Variants in ABCA3 observed in about 807,000 individuals in gnomAD.
ABCA3 encodes ATP binding cassette subfamily A member 3.
A neutral mutation model predicts 172.8 loss-of-function variants in ABCA3; 88 were observed. The ratio of observed to expected loss-of-function variants is 0.51; its 90% confidence interval spans 0.43 to 0.61. The LOEUF (loss-of-function observed/expected upper bound fraction) is 0.61, where lower values mean the gene tolerates loss of function less well. Ranked by LOEUF, ABCA3 falls within the 20% of genes least tolerant of loss-of-function variation. The pLI, the probability that ABCA3 is intolerant of heterozygous loss-of-function variation, is 0.00. For missense variants in ABCA3, 2,164 were observed against 2,301.0 expected (o/e 0.94, Z 1.22); for synonymous variants, 1,066 against 983.8 (o/e 1.08, Z -1.56).
Position 2,284,641 on chromosome 16 carries a change from G to A in ABCA3, c.3703+138C>T. The A allele has an allele frequency of 8.1e-7, 1 of 1,229,348 alleles. No homozygotes were observed. The highest frequency in any genetic ancestry group is 1.1e-6 in the Non-Finnish European group (1 of 870,746). The allele number at this position is 1,229,348 out of a possible 1,614,324, so 76.2% of individuals were successfully genotyped here. On this transcript the variant is annotated intron_variant, in intron 24 of 32. Coordinates refer to ENST00000301732, the MANE Select transcript of ABCA3 (RefSeq NM_001089.3). The surrounding 1 kb of genome is among the most constrained non-coding windows in gnomAD (Gnocchi z 5.9). ...AGTCATGGCTAGCCGGGCAGGGCCA[G>A]CTGGGGCAGAGGGGCTGGTGAGCAT... is the stretch of plus-strand genomic sequence containing the variant.
At chr16:2,311,530 T>G (rs1452089509) in intron 10 of ABCA3, among the ~76,000 whole-genome samples, 2 of 152,092 alleles carry the variant, frequency 1.3e-5, no homozygotes, top group Non-Finnish European at 2.9e-5. Context: ...GGATTTTTTT[T>G]TTAATTTTTG....
Position 2,278,178 on chromosome 16 carries a change from G to A in ABCA3, c.4719-109C>T. On this transcript the variant is annotated intron_variant, in intron 30 of 32. Coordinates refer to ENST00000301732, the MANE Select transcript of ABCA3 (RefSeq NM_001089.3). This position sits in a 1 kb window ranked among gnomAD's most constrained non-coding sequence, Gnocchi z 4.4. Reference sequence around the variant, plus strand: ...TGTTCCTGATACCCATGCTCAGTGTGGCTCACGGGCAGACTCTGCACCAGA... The same window carrying A: ...TGTTCCTGATACCCATGCTCAGTGTAGCTCACGGGCAGACTCTGCACCAGA... 1.3e-6 allele frequency: 2 copies of A among 1,595,732 alleles called. No individual in the cohort carries two copies. Among genetic ancestry groups the A allele is most frequent in the Non-Finnish European group, 1.7e-6 (2 of 1,173,240 alleles).
intron 3 of ABCA3, 53 bp from the exon 4 acceptor site, chr16:2,326,545 G>C: frequency 1.3e-6 from 2 of 1,541,692 alleles, no homozygotes; most frequent in East Asian, 2.4e-5. Context: ...AACACGCAGA[G>C]TGGGGATTTG....
At chr16:2,289,378 C>G in intron 20 of ABCA3, 56 bp downstream of exon 20, 1 of 1,536,552 alleles carries the variant, frequency 6.5e-7, no homozygotes, top group South Asian at 1.2e-5. Flanking sequence ...TTACATGAGG[C>G]GTTTGGGGGC....
chr16:2,287,968 A>T lies in ABCA3; in HGVS notation c.3004+58T>A. On this transcript the variant is annotated intron_variant, in intron 21 of 32. Transcript: ENST00000301732. This position sits in a 1 kb window ranked among gnomAD's most constrained non-coding sequence, Gnocchi z 4.1. The stretch of plus-strand genomic sequence containing the variant: ...GACCCTGCTGCAGTCAGGAAGGCGA[A>T]CTCTGGCTGCAGGACTGGCCCCCGA... 6.3e-7 allele frequency: 1 copy of T among 1,587,026 alleles called. No individual in the cohort carries two copies. Among genetic ancestry groups the T allele is most frequent in the Non-Finnish European group, 8.5e-7 (1 of 1,171,890 alleles).
At chr16:2,310,942 A>T (rs1337647141) in intron 10 of ABCA3, among the ~76,000 whole-genome samples, 1 of 151,798 alleles carries the variant, frequency 6.6e-6, no homozygotes, top group African/African-American at 2.4e-5. Context: ...CGGTCCTCAT[A>T]TCTGCCTATT....
intron 18 of ABCA3, among the ~76,000 whole-genome samples, chr16:2,293,793 G>A (rs1269157734): frequency 3.3e-5 from 5 of 151,732 alleles, no homozygotes; most frequent in African/African-American, 7.3e-5. Flanking sequence ...CACCCGCTTC[G>A]GCCTCCAAGT....
Position 2,286,953 on chromosome 16 carries a change from A to G in ABCA3, c.3019T>C (p.Phe1007Leu), listed in dbSNP as rs746195798. ...PREVLGDLEEFLIFRASVEGG... is the reference protein window; with the variant it reads ...PREVLGDLEELLIFRASVEGG... ...TCCACAGAAGCCCTGAAGATCAAGA[A>G]CTCCTCCAGGTCACCTGGGGAGCAA... Residue 1007 changes from phenylalanine (F) to leucine (L), a missense_variant, in exon 22 of 33, where the codon TTC (phenylalanine) becomes CTC (leucine). By Grantham distance (22) the Phe-to-Leu change is conservative. Transcript: ENST00000301732. This position sits in a 1 kb window ranked among gnomAD's most constrained non-coding sequence, Gnocchi z 5.2. 6.8e-6 allele frequency: 11 copies of G among 1,613,232 alleles called. No individual in the cohort carries two copies. Among genetic ancestry groups the G allele is most frequent in the Non-Finnish European group, 9.3e-6 (11 of 1,179,840 alleles).
chr16:2,284,871 A>G lies in ABCA3; in HGVS notation c.3611T>C (p.Leu1204Ser), dbSNP rs1366144670. ...PLMYLMNFFF[L>S]GAATAYTRLT... Reference sequence around the variant, plus strand: ...CCTCGTGTAGGCAGTGGCCGCCCCCAAGAAGAAGAAGTTCATCAGGTACAT... The same window carrying G: ...CCTCGTGTAGGCAGTGGCCGCCCCCGAGAAGAAGAAGTTCATCAGGTACAT... The change falls in exon 24 of 33, where the codon TTG becomes TCG. Residue 1204 changes from leucine to serine, a missense_variant. By Grantham distance (145) the Leu-to-Ser change is moderately radical. This residue lies in a region of ABCA3 where 795 missense variants were observed against 881.9 expected (regional missense o/e 0.90). Transcript: ENST00000301732. The surrounding 1 kb of genome is among the most constrained non-coding windows in gnomAD (Gnocchi z 5.9). 12 of 1,613,652 alleles carry G rather than the reference A, an allele frequency of 7.4e-6. No individual in the cohort carries two copies. Among genetic ancestry groups the G allele is most frequent in the Non-Finnish European group, 1.0e-5 (12 of 1,179,772 alleles).
intron 12 of ABCA3, among the ~76,000 whole-genome samples, chr16:2,302,302 G>A (rs1228353366): frequency 6.6e-6 from 1 of 152,102 alleles, no homozygotes; most frequent in Non-Finnish European, 1.5e-5. Context: ...GGTCTCGGCA[G>A]TGATTCTTAA....
chr16:2,321,880 C>T (rs1168988582), intron 7 of ABCA3, among the ~76,000 whole-genome samples: 1 of 152,084 alleles, frequency 6.6e-6, no homozygotes, highest in East Asian at 1.9e-4. Flanking sequence ...AAACCAAGCC[C>T]CATGAACTCA....
In ABCA3 at chr16:2,289,961, TCACACACA is replaced by T. The variant is rs3138606; in HGVS notation, c.2514-349_2514-342del. Among the ~76,000 whole-genome samples, 205 of 138,298 alleles carry T rather than the reference TCACACACA, an allele frequency of 1.5e-3. 2 individuals are homozygous for T. Among genetic ancestry groups the T allele is most frequent in the South Asian group, 8.0e-3 (33 of 4,150 alleles). The allele number at this position is 138,298 out of a possible 152,430, so 90.7% of individuals were successfully genotyped here. On this transcript the variant is annotated intron_variant, in intron 19 of 32. Transcript: ENST00000301732. ...ATTTTTTAATATTATGTGAATTACA[TCACACACA>T]CACACACACACACACACACACACAC...
intron 26 of ABCA3, among the ~76,000 whole-genome samples, chr16:2,282,984 C>G (rs1017289938): frequency 1.3e-5 from 2 of 152,252 alleles, no homozygotes; most frequent in Non-Finnish European, 2.9e-5. Context: ...GGGCTCACAA[C>G]TCGACAGCCC....
intron 10 of ABCA3, 82 bp downstream of exon 10, chr16:2,317,201 C>G: frequency 6.3e-7 from 1 of 1,594,448 alleles, no homozygotes; most frequent in Non-Finnish European, 8.6e-7. Flanking sequence ...CTCTCCCTTC[C>G]GATCACAGCC....
chr16:2,289,290 C>A (rs2093668052), intron 20 of ABCA3, 144 bp downstream of exon 20: 1 of 997,634 alleles, frequency 1.0e-6, no homozygotes, highest in Non-Finnish European at 1.5e-6. Flanking sequence ...GCGGTGTGAG[C>A]CGCTGCCCGC....
At position 2,325,879 on chromosome 16, in the gene ABCA3, A is replaced by C. The variant is rs547474428; in HGVS notation, c.319+131T>G. The C allele has an allele frequency of 1.2e-5, 15 of 1,279,088 alleles. No homozygotes were observed. The African/African-American group carries it at 2.0e-4, about 17-fold the overall frequency. 79.2% of individuals were successfully genotyped at this position (1,279,088 alleles called of 1,614,324 possible). A position where few individuals can be genotyped will look rare whatever the true frequency, so the allele number is the denominator to read the frequency against. On this transcript the variant is annotated intron_variant, in intron 5 of 32. Transcript: ENST00000301732. ...CAGGTTGAAGTAGTGATGCGGGAAG[A>C]AGCAGAGGCCAAGTCTGCACAGGGT...
chr16:2,335,415 G>A (rs1302660539), intron 1 of ABCA3, among the ~76,000 whole-genome samples: 1 of 151,964 alleles, frequency 6.6e-6, no homozygotes, highest in Non-Finnish European at 1.5e-5. Context: ...AAGTAGCTGG[G>A]ACTACAGGCA....
Position 2,317,744 on chromosome 16 carries a change from C to A in ABCA3, c.894G>T (p.Gly298=). 1 of 1,614,200 alleles carries A rather than the reference C, an allele frequency of 6.2e-7. No homozygotes were observed. Among genetic ancestry groups the A allele is most frequent in the Non-Finnish European group, 8.5e-7 (1 of 1,180,016 alleles). Residue 298 remains glycine (G), a synonymous_variant, in exon 9 of 33, where the codon GGG becomes GGT. Coordinates refer to ENST00000301732, the MANE Select transcript of ABCA3 (RefSeq NM_001089.3). ...RRLKEYMRMM[G]LSSWLHWSAW... ...CACTCCAGTGCAGCCAGCTGCTGAG[C>A]CCCATCATGCGCATGTACTCCTGGG...
In ABCA3 at chr16:2,317,184, C is replaced by T. The variant is rs1025974475; in HGVS notation, c.1111+99G>A. On this transcript the variant is annotated intron_variant, in intron 10 of 32. Transcript: ENST00000301732. ...TCAGCTCCTCCCTGGGCAGCTCCAC[C>T]AGGCCACTCTCCCTTCCGATCACAG... 4.3e-5 allele frequency: 67 copies of T among 1,566,464 alleles called. No individual in the cohort carries two copies. The African/African-American group carries it at 5.3e-4, about 12-fold the overall frequency.
Sources: allele counts gnomAD v4.1 joint callset (sites outside exome capture counted in the v4.1 genomes callset), GRCh38; gene constraint gnomAD v4.1.1; regional missense constraint gnomAD v4.1.1; non-coding constraint Gnocchi (gnomAD v3.1); transcripts MANE v1.5; gene names NCBI Gene and HGNC (gene_info 2026-07-23, HGNC 2026-07-21).